SHISA9: variants seen among roughly 807,000 people sequenced by gnomAD.
The protein encoded by SHISA9 is shisa family member 9.
A neutral mutation model predicts 38.0 loss-of-function variants in SHISA9; 13 were observed. The ratio of observed to expected loss-of-function variants is 0.34; its 90% CI spans 0.22 to 0.54. SHISA9 has a LOEUF of 0.54. SHISA9 is among the 20% of genes least tolerant of loss of function. The pLI is 0.91. For synonymous variants in SHISA9, 275 were observed against 242.0 expected, an observed-to-expected ratio of 1.14 and a Z score of -1.27; for missense variants, 538 against 575.8, an observed-to-expected ratio of 0.93 and a Z score of 0.67.
intron 3 of SHISA9, among the ~76,000 whole-genome samples, chr16:13,208,443 CTTT>C (rs71395107): frequency 2.4e-5 from 3 of 125,078 alleles, no homozygotes; most frequent in Admixed American, 8.9e-5. Flanking sequence ...CTTTTTTTTT[CTTT>C]TTTTTTTTTT....
chr16:13,151,079 G>A (rs1331998080), intron 2 of SHISA9, among the ~76,000 whole-genome samples: 1 of 152,016 alleles, frequency 6.6e-6, no homozygotes, highest in Non-Finnish European at 1.5e-5. Context: ...AATGAATGGG[G>A]ATAACTAAGA....
chr16:13,423,952 T>C, the SHISA9 span, among the ~76,000 whole-genome samples: 2 of 152,204 alleles, frequency 1.3e-5, no homozygotes, highest in African/African-American at 4.8e-5. Flanking sequence ...ACTATCTTTA[T>C]GTCAGGAAGA....
chr16:13,118,160 C>T (rs57946873), intron 2 of SHISA9, among the ~76,000 whole-genome samples: 4,418 of 142,184 alleles, frequency 0.031, 97 homozygotes, highest in East Asian at 0.11. Context: ...CCAGCCTGGG[C>T]GACAGAGCGA....
chr16:12,908,636 A>G, intron 1 of SHISA9: 7 of 1,550,394 alleles, frequency 4.5e-6, no homozygotes, highest in Non-Finnish European at 6.1e-6. Flanking sequence ...AACCTGCAGG[A>G]ATTCCAGACT....
chr16:13,223,081 G>C (rs1402539272), intron 4 of SHISA9, among the ~76,000 whole-genome samples: 1 of 152,120 alleles, frequency 6.6e-6, no homozygotes, highest in South Asian at 2.1e-4. Flanking sequence ...TCCATCTGCT[G>C]TCAAAGTTTA....
At chr16:13,089,187 G>T (rs1013642914) in intron 2 of SHISA9, among the ~76,000 whole-genome samples, 1 of 152,204 alleles carries the variant, frequency 6.6e-6, no homozygotes, top group Non-Finnish European at 1.5e-5. Context: ...TTGATGTGCT[G>T]CTGAATTTGG....
intron 4 of SHISA9, among the ~76,000 whole-genome samples, chr16:13,229,703 C>G (rs16961453): frequency 0.17 from 25,729 of 152,100 alleles, 2,468 homozygotes; most frequent in Admixed American, 0.3. Context: ...TATTTCTGCT[C>G]TCAAAGAACT....
the SHISA9 span, among the ~76,000 whole-genome samples, chr16:13,460,844 C>A: frequency 1.3e-5 from 2 of 152,150 alleles, no homozygotes; most frequent in East Asian, 3.9e-4. Flanking sequence ...GGTCTTGTGG[C>A]AAATCCTGCC....
chr16:13,114,456 A>G (rs2074010399), intron 2 of SHISA9, among the ~76,000 whole-genome samples: 1 of 130,414 alleles, frequency 7.7e-6, no homozygotes. Context: ...GCAGAGTGAG[A>G]TTCCATCTCA....
chr16:13,143,739 A>G (rs2050422935), intron 2 of SHISA9, among the ~76,000 whole-genome samples: 1 of 152,248 alleles, frequency 6.6e-6, no homozygotes, highest in South Asian at 2.1e-4. Flanking sequence ...AAGCTACATT[A>G]CAATCCCTGA....
At chr16:13,086,813 T>C (rs1051902387) in intron 2 of SHISA9, among the ~76,000 whole-genome samples, 1 of 151,380 alleles carries the variant, frequency 6.6e-6, no homozygotes, top group South Asian at 2.1e-4. Flanking sequence ...ACCAGACTTT[T>C]ATTTTTTATT....
intron 2 of SHISA9, among the ~76,000 whole-genome samples, chr16:12,939,708 G>T (rs185489981): frequency 2.0e-3 from 311 of 152,222 alleles, no homozygotes; most frequent in Non-Finnish European, 3.3e-3. Flanking sequence ...CCCATCACCT[G>T]CCTCTCCCTG....
chr16:13,264,009 A>G, the SHISA9 span, among the ~76,000 whole-genome samples: 1 of 152,130 alleles, frequency 6.6e-6, no homozygotes, highest in Non-Finnish European at 1.5e-5. Flanking sequence ...GTGGAATTTT[A>G]TCCGCAAGGT....
At chr16:13,117,188 A>G (rs1480105681) in intron 2 of SHISA9, among the ~76,000 whole-genome samples, 3 of 152,076 alleles carry the variant, frequency 2.0e-5, no homozygotes, top group Non-Finnish European at 4.4e-5. Context: ...GTTGGCCAGG[A>G]TGGTCTCAAA....
At chr16:13,021,381 C>T (rs146745318) in intron 2 of SHISA9, among the ~76,000 whole-genome samples, 44 of 152,262 alleles carry the variant, frequency 2.9e-4, no homozygotes, top group African/African-American at 1.1e-3. Flanking sequence ...GTTGAGAAGT[C>T]CTGCTCTAGA....
At chr16:13,220,418 G>C (rs990004580) in intron 4 of SHISA9, among the ~76,000 whole-genome samples, 1 of 152,282 alleles carries the variant, frequency 6.6e-6, no homozygotes, top group South Asian at 2.1e-4. Flanking sequence ...ACATCTCTTA[G>C]TCACACGGAA....
the SHISA9 span, among the ~76,000 whole-genome samples, chr16:13,560,373 C>T: frequency 6.6e-6 from 1 of 152,138 alleles, no homozygotes; most frequent in Non-Finnish European, 1.5e-5. Flanking sequence ...ATTGGCTGAG[C>T]AGGATCACAT....
chr16:13,098,398 A>C (rs1203726838), intron 2 of SHISA9, among the ~76,000 whole-genome samples: 1 of 152,200 alleles, frequency 6.6e-6, no homozygotes, highest in African/African-American at 2.4e-5. Context: ...TTTCAGTATT[A>C]GGTGTTCTGT....
intron 2 of SHISA9, among the ~76,000 whole-genome samples, chr16:12,919,249 G>C (rs2071297686): frequency 6.6e-6 from 1 of 152,174 alleles, no homozygotes; most frequent in Non-Finnish European, 1.5e-5. Context: ...GCCAGAACCA[G>C]AAGGCACCCA....
Sources: gnomAD v4.1 joint callset for allele counts (sites outside exome capture counted in the v4.1 genomes callset) on GRCh38, gnomAD v4.1.1 for gene constraint, MANE v1.5 for transcripts, NCBI Gene and HGNC (gene_info 2026-07-23, HGNC 2026-07-21) for gene names.